NPAS3: variants seen among roughly 807,000 people sequenced by gnomAD.
NPAS3 encodes neuronal PAS domain protein 3, also known as neuronal PAS domain-containing protein 3.
In NPAS3, 14 loss-of-function variants were observed where a neutral mutation model predicts 73.1. That is an observed-to-expected ratio of 0.19 (90% CI 0.13 to 0.30). The LOEUF is 0.30. NPAS3 is among the 10% of genes least tolerant of loss of function. The pLI is 1.00. For synonymous variants in NPAS3, 620 were observed against 541.5 expected, an observed-to-expected ratio of 1.14 and a Z score of -2.01; for missense variants, 1,096 against 1,250.0, an observed-to-expected ratio of 0.88 and a Z score of 1.86.
chr14:33,001,071 G>T (rs1318739216), intron 1 of NPAS3, among the ~76,000 whole-genome samples: 1 of 152,162 alleles, frequency 6.6e-6, no homozygotes, highest in Non-Finnish European at 1.5e-5. Context: ...AAAATCAAAG[G>T]TTACTTTTTT....
intron 2 of NPAS3, among the ~76,000 whole-genome samples, chr14:33,099,285 G>A (rs1384197474): frequency 6.6e-6 from 1 of 151,992 alleles, no homozygotes; most frequent in East Asian, 1.9e-4. Context: ...TAAATTTGAG[G>A]ACATAGATTA....
Position 33,725,617 on chromosome 14 carries a change from TC to T in NPAS3, c.734-9595del, listed in dbSNP as rs550649355. On this transcript the variant is annotated intron_variant, in intron 6 of 11. Coordinates refer to ENST00000356141, the Ensembl canonical transcript of NPAS3. ...GCCTACCTCTCTCATGTCACCATAC[TC>T]CTGTCCTGCCATCCTTTGCTAGTCT... 2.6e-3 allele frequency among the ~76,000 whole-genome samples: 391 copies of T among 152,260 alleles called. 1 individual carries two copies. The highest frequency in any genetic ancestry group is 8.9e-3 in the African/African-American group (368 of 41,552).
At chr14:33,177,899 T>G (rs1038533118) in intron 2 of NPAS3, among the ~76,000 whole-genome samples, 12 of 152,186 alleles carry the variant, frequency 7.9e-5, no homozygotes, top group African/African-American at 2.9e-4. Flanking sequence ...TTATGATGAT[T>G]GTACCTTTGG....
chr14:33,092,740 A>G (rs1380724510), intron 2 of NPAS3, among the ~76,000 whole-genome samples: 4 of 152,212 alleles, frequency 2.6e-5, no homozygotes, highest in African/African-American at 9.7e-5. Context: ...TGCAGTAACC[A>G]AAACAGCATG....
chr14:33,231,646 G>A (rs1249232034), intron 3 of NPAS3, among the ~76,000 whole-genome samples: 2 of 152,084 alleles, frequency 1.3e-5, no homozygotes, highest in Non-Finnish European at 2.9e-5. Flanking sequence ...AACATGCAAA[G>A]ATACTACACA....
intron 6 of NPAS3, among the ~76,000 whole-genome samples, chr14:33,688,108 G>A (rs963867069): frequency 6.6e-6 from 1 of 152,090 alleles, no homozygotes; most frequent in Non-Finnish European, 1.5e-5. Flanking sequence ...AGGTTCAGAG[G>A]GTACATGTGC....
At chr14:33,503,621 T>G (rs1378320717) in intron 4 of NPAS3, among the ~76,000 whole-genome samples, 2 of 151,896 alleles carry the variant, frequency 1.3e-5, no homozygotes, top group Non-Finnish European at 2.9e-5. Context: ...CCTTATATTC[T>G]CATATATAGT....
chr14:33,549,319 C>G (rs1471622449), intron 4 of NPAS3, among the ~76,000 whole-genome samples: 1 of 152,136 alleles, frequency 6.6e-6, no homozygotes, highest in African/African-American at 2.4e-5. Flanking sequence ...GCAAACCCTG[C>G]CTTCCAGGTT....
intron 2 of NPAS3, among the ~76,000 whole-genome samples, chr14:33,080,860 T>A (rs1418664946): frequency 6.6e-6 from 1 of 152,236 alleles, no homozygotes; most frequent in African/African-American, 2.4e-5. Flanking sequence ...TTACTCTGAT[T>A]TTTAGTTAAA....
chr14:33,201,779 G>C (rs2046628232), intron 2 of NPAS3, among the ~76,000 whole-genome samples: 1 of 152,192 alleles, frequency 6.6e-6, no homozygotes, highest in African/African-American at 2.4e-5. Flanking sequence ...GGCACATTGA[G>C]AAAATTGCTG....
At chr14:33,480,277 A>G (rs1447626324) in intron 4 of NPAS3, among the ~76,000 whole-genome samples, 4 of 152,192 alleles carry the variant, frequency 2.6e-5, no homozygotes, top group Non-Finnish European at 5.9e-5. Flanking sequence ...TGCCTCTAAT[A>G]CAGCGTGAGT....
intron 5 of NPAS3, among the ~76,000 whole-genome samples, chr14:33,647,468 A>C (rs1163141576): frequency 1.3e-5 from 2 of 152,080 alleles, no homozygotes; most frequent in African/African-American, 2.4e-5. Flanking sequence ...AGCAAACAAA[A>C]GCGGTTATGA....
intron 4 of NPAS3, among the ~76,000 whole-genome samples, chr14:33,540,779 A>T (rs2054474936): frequency 6.6e-6 from 1 of 152,168 alleles, no homozygotes; most frequent in Non-Finnish European, 1.5e-5. Flanking sequence ...TAAAATGTAA[A>T]CATAAAATGG....
At chr14:33,647,670 C>T (rs147022453) in intron 5 of NPAS3, among the ~76,000 whole-genome samples, 104 of 152,198 alleles carry the variant, frequency 6.8e-4, no homozygotes, top group Middle Eastern at 3.4e-3. Context: ...GTCAAGGATG[C>T]CTCCCAGTTG....
intron 6 of NPAS3, among the ~76,000 whole-genome samples, chr14:33,734,342 T>C (rs75107723): frequency 0.03 from 4,613 of 152,204 alleles, 245 homozygotes; most frequent in African/African-American, 0.11. Context: ...TTAAAGAAAA[T>C]AGATTTTTAC....
intron 4 of NPAS3, among the ~76,000 whole-genome samples, chr14:33,526,947 C>A (rs1487956496): frequency 6.6e-6 from 1 of 152,104 alleles, no homozygotes; most frequent in African/African-American, 2.4e-5. Context: ...TCTCTTCATT[C>A]AATGAGTGTT....
chr14:33,695,350 G>A (rs373724107), intron 6 of NPAS3, among the ~76,000 whole-genome samples: 19 of 152,240 alleles, frequency 1.2e-4, no homozygotes, highest in East Asian at 1.9e-4. Context: ...GTATAACAAC[G>A]TTAGTTAGAA....
chr14:33,225,691 A>T (rs2047604681), intron 3 of NPAS3, among the ~76,000 whole-genome samples: 1 of 152,186 alleles, frequency 6.6e-6, no homozygotes, highest in Non-Finnish European at 1.5e-5. Context: ...ACTATTTAAA[A>T]AATTAAAACA....
At chr14:33,789,583 C>CT (rs10567527) in intron 9 of NPAS3, among the ~76,000 whole-genome samples, 9,652 of 91,910 alleles carry the variant, frequency 0.11, 1,294 homozygotes, top group East Asian at 0.21. Context: ...TAGAGTACAA[C>CT]TTTTTTTTTT....
Sources: allele counts gnomAD v4.1 joint callset (sites outside exome capture counted in the v4.1 genomes callset), GRCh38; gene constraint gnomAD v4.1.1; transcripts MANE v1.5; gene names NCBI Gene and HGNC (gene_info 2026-07-23, HGNC 2026-07-21).